Variants in WDFY2 observed in about 807,000 individuals in gnomAD.
WDFY2 encodes WD repeat and FYVE domain containing 2.
In WDFY2, 36 loss-of-function variants were observed where a neutral mutation model predicts 56.4. The observed-to-expected ratio is 0.64, with a 90% CI of 0.49 to 0.84. The LOEUF (loss-of-function observed/expected upper bound fraction) is 0.84, where lower values mean the gene tolerates loss of function less well. WDFY2 is among the 40% of genes least tolerant of loss of function. The pLI, the probability that WDFY2 is intolerant of heterozygous loss-of-function variation, is 0.00. For missense variants in WDFY2, 444 were observed against 512.2 expected, an observed-to-expected ratio of 0.87 and a Z score of 1.29; for synonymous variants, 176 against 183.7, an observed-to-expected ratio of 0.96 and a Z score of 0.34.
rs1952911686 is a variant in WDFY2, at chr13:51,739,277, G to C, written c.725+102G>C. The stretch of plus-strand genomic sequence containing the variant: ...AGTCTGTGGCAGGATCTTAGCATGG[G>C]AAGGAACATGGCGGGAACACAAATA... On this transcript the variant is annotated intron_variant, in intron 7 of 11. Coordinates refer to ENST00000298125, the MANE Select transcript of WDFY2 (RefSeq NM_052950.4). 8 of 1,352,730 alleles carry C rather than the reference G, an allele frequency of 5.9e-6. No individual in the cohort carries two copies. The South Asian group carries it at 1.2e-4, about 20-fold the overall frequency. 83.8% of individuals were successfully genotyped at this position (1,352,730 alleles called of 1,614,324 possible).
rs867989957 is a variant in WDFY2, at chr13:51,694,156, C to T, written c.280-9440C>T. 5.8e-3 allele frequency among the ~76,000 whole-genome samples: 886 copies of T among 152,108 alleles called. 8 individuals are homozygous for T. Among genetic ancestry groups the T allele is most frequent in the African/African-American group, 0.017 (725 of 41,456 alleles). The stretch of plus-strand genomic sequence containing the variant: ...TTATCCAATTTGCCAGTCTGTGTCT[C>T]TTAATTGGAGCATTTAGTCCATTTA... On this transcript the variant is annotated intron_variant, in intron 3 of 11. Coordinates refer to ENST00000298125, the MANE Select transcript of WDFY2 (RefSeq NM_052950.4).
chr13:51,703,534 C>G, intron 3 of WDFY2, 62 bp from the exon 4 acceptor site: 1 of 1,282,268 alleles, frequency 7.8e-7, no homozygotes, highest in Non-Finnish European at 1.1e-6. Flanking sequence ...TCTGGTTTTA[C>G]CAAATATAGT....
intron 2 of WDFY2, among the ~76,000 whole-genome samples, chr13:51,667,365 A>G (rs1955723943): frequency 6.6e-6 from 1 of 152,182 alleles, no homozygotes; most frequent in African/African-American, 2.4e-5. Context: ...GAAATGAGTT[A>G]TTTTGTAAGT....
intron 8 of WDFY2, chr13:51,752,734 A>G (rs1389470402): frequency 6.6e-6 from 1 of 152,264 alleles, no homozygotes; most frequent in Non-Finnish European, 1.5e-5. Context: ...ATCCAATACT[A>G]TTGACTAATT....
chr13:51,743,179 A>T (rs551080840), intron 7 of WDFY2, among the ~76,000 whole-genome samples: 10 of 152,266 alleles, frequency 6.6e-5, no homozygotes, highest in African/African-American at 2.4e-4. Flanking sequence ...TTTTATTTCT[A>T]ACTATTTAGC....
intron 3 of WDFY2, among the ~76,000 whole-genome samples, chr13:51,693,344 A>G (rs1951787856): frequency 6.7e-6 from 1 of 149,516 alleles, no homozygotes; most frequent in Admixed American, 6.7e-5. Flanking sequence ...CCCTCTACAC[A>G]CTGCTTTGAA....
chr13:51,766,431 CTTTT>C lies in WDFY2; in HGVS notation c.*6666_*6669del, dbSNP rs901624908. 6.6e-6 allele frequency: 1 copy of C among 152,142 alleles called. No individual in the cohort carries two copies. Among genetic ancestry groups the C allele is most frequent in the Admixed American group, 6.5e-5 (1 of 15,276 alleles). The allele number at this position is 152,142 out of a possible 1,614,324, so 9.4% of individuals were successfully genotyped here. On this transcript the variant is annotated 3_prime_UTR_variant, in exon 12 of 12. Coordinates refer to ENST00000298125, the MANE Select transcript of WDFY2 (RefSeq NM_052950.4). ...TTACCGTATGGATATCTTTTTCTTT[CTTTT>C]TTTAAAGTGAGGAGATTCTTCAGGG...
chr13:51,637,093 C>G (rs1955069045), intron 1 of WDFY2, among the ~76,000 whole-genome samples: 1 of 152,162 alleles, frequency 6.6e-6, no homozygotes. Flanking sequence ...CTGCCTGGCA[C>G]TATAAGGTGT....
intron 3 of WDFY2, among the ~76,000 whole-genome samples, chr13:51,694,846 C>T (rs1951828648): frequency 6.6e-6 from 1 of 151,512 alleles, no homozygotes; most frequent in South Asian, 2.1e-4. Flanking sequence ...GGTCTTTTCA[C>T]ATAGTCCCAT....
chr13:51,608,831 C>T (rs1193465212), intron 1 of WDFY2, among the ~76,000 whole-genome samples: 1 of 151,958 alleles, frequency 6.6e-6, no homozygotes, highest in Non-Finnish European at 1.5e-5. Context: ...ATTGATCTAC[C>T]TCATTCAGTA....
intron 10 of WDFY2, among the ~76,000 whole-genome samples, chr13:51,757,542 G>C (rs1953429499): frequency 6.6e-6 from 1 of 150,862 alleles, no homozygotes; most frequent in Non-Finnish European, 1.5e-5. Flanking sequence ...ACTGCACCCT[G>C]CACCTTTTCC....
At chr13:51,671,809 G>GGA (rs1955813460) in intron 2 of WDFY2, among the ~76,000 whole-genome samples, 1 of 117,010 alleles carries the variant, frequency 8.5e-6, no homozygotes, top group Admixed American at 1.0e-4. Context: ...TTTGAGACAA[G>GGA]GTCTTCCTCT....
intron 1 of WDFY2, among the ~76,000 whole-genome samples, chr13:51,599,897 A>C (rs1224130771): frequency 1.4e-5 from 2 of 144,276 alleles, no homozygotes; most frequent in Non-Finnish European, 1.5e-5. Flanking sequence ...ACAAACAAAC[A>C]AAAAAAAAAA....
chr13:51,706,013 A>G (rs1322752239), intron 4 of WDFY2, among the ~76,000 whole-genome samples: 1 of 152,200 alleles, frequency 6.6e-6, no homozygotes, highest in East Asian at 1.9e-4. Context: ...TGTTAAAATA[A>G]TGTTTGGCCT....
In WDFY2 at chr13:51,756,903, G is replaced by T. The variant is rs984167555; in HGVS notation, c.1064+441G>T. Reference sequence around the variant, plus strand: ...TTTACCCAAGAGGCAAATATTCCCAGTTGCCCAGTTACTCAGCTGGCTGCT... The same window carrying T: ...TTTACCCAAGAGGCAAATATTCCCATTTGCCCAGTTACTCAGCTGGCTGCT... On this transcript the variant is annotated intron_variant, in intron 10 of 11. Transcript: ENST00000298125. 4.6e-5 allele frequency among the ~76,000 whole-genome samples: 7 copies of T among 152,324 alleles called. No homozygotes were observed. The East Asian group carries it at 1.2e-3, about 25-fold the overall frequency.
chr13:51,665,047 A>T (rs537938326), intron 2 of WDFY2, among the ~76,000 whole-genome samples: 1 of 152,274 alleles, frequency 6.6e-6, no homozygotes, highest in African/African-American at 2.4e-5. Context: ...ACCAACCATC[A>T]TGTATGGTGA....
chr13:51,717,757 G>A (rs1952390076), intron 4 of WDFY2, among the ~76,000 whole-genome samples: 1 of 152,110 alleles, frequency 6.6e-6, no homozygotes, highest in South Asian at 2.1e-4. Context: ...TGATCTTGAT[G>A]GTGACTGGTA....
At chr13:51,609,286 C>G (rs1954444519) in intron 1 of WDFY2, among the ~76,000 whole-genome samples, 1 of 152,134 alleles carries the variant, frequency 6.6e-6, no homozygotes, top group South Asian at 2.1e-4. Context: ...CATGGTTCTG[C>G]CTTTTATTTC....
chr13:51,675,449 G>A (rs1475605203), intron 3 of WDFY2, among the ~76,000 whole-genome samples: 1 of 152,186 alleles, frequency 6.6e-6, no homozygotes, highest in East Asian at 1.9e-4. Context: ...ACAAGGTTCA[G>A]CTTGACCTAC....
Sources: allele counts gnomAD v4.1 joint callset (sites outside exome capture counted in the v4.1 genomes callset), GRCh38; gene constraint gnomAD v4.1.1; transcripts MANE v1.5; gene names NCBI Gene and HGNC (gene_info 2026-07-23, HGNC 2026-07-21).